Variants in LPGAT1 observed in about 807,000 individuals in gnomAD.
LPGAT1 encodes the protein acyl-CoA:lysophosphatidylglycerol acyltransferase 1.
In LPGAT1, 11 loss-of-function variants were observed where a neutral mutation model predicts 47.5. That is an observed-to-expected ratio of 0.23 (90% CI 0.15 to 0.38). The LOEUF is 0.38. Ranked by LOEUF, LPGAT1 falls within the 10% of genes least tolerant of loss-of-function variation. LPGAT1 has a pLI of 1.00. For synonymous variants in LPGAT1, 138 were observed against 144.2 expected (o/e 0.96, Z 0.31); for missense variants, 293 against 439.0 (o/e 0.67, Z 2.97).
chr1:211,769,312 G>A (rs958549756), intron 6 of LPGAT1, among the ~76,000 whole-genome samples: 1 of 152,174 alleles, frequency 6.6e-6, no homozygotes, highest in Admixed American at 6.5e-5. Context: ...GAGAGAAAAA[G>A]AGGAGCCATG....
chr1:211,818,385 T>A (rs12076991), intron 2 of LPGAT1, among the ~76,000 whole-genome samples: 3 of 151,990 alleles, frequency 2.0e-5, no homozygotes, highest in Admixed American at 2.0e-4. Context: ...AGCAAATCGT[T>A]ACTATGCAGG....
At chr1:211,825,098 C>G (rs913454159) in intron 2 of LPGAT1, among the ~76,000 whole-genome samples, 9 of 152,102 alleles carry the variant, frequency 5.9e-5, no homozygotes, top group African/African-American at 2.2e-4. Flanking sequence ...CAGACTTTGG[C>G]CCATGACTCT....
chr1:211,766,829 C>A (rs1657937913), intron 6 of LPGAT1, among the ~76,000 whole-genome samples: 1 of 152,148 alleles, frequency 6.6e-6, no homozygotes, highest in South Asian at 2.1e-4. Flanking sequence ...ATCATAAAGT[C>A]AAAAAATCAT....
chr1:211,804,441 C>A (rs557006680), intron 2 of LPGAT1, among the ~76,000 whole-genome samples: 1 of 152,198 alleles, frequency 6.6e-6, no homozygotes, highest in South Asian at 2.1e-4. Flanking sequence ...TGTAGTAAAT[C>A]AGAATACTAA....
At chr1:211,817,743 G>C (rs1455224411) in intron 2 of LPGAT1, among the ~76,000 whole-genome samples, 1 of 152,124 alleles carries the variant, frequency 6.6e-6, no homozygotes, top group Non-Finnish European at 1.5e-5. Context: ...CACAGCTTTT[G>C]GTAATGGTGC....
intron 6 of LPGAT1, among the ~76,000 whole-genome samples, chr1:211,773,538 A>G (rs1298468328): frequency 3.3e-5 from 5 of 152,198 alleles, no homozygotes; most frequent in African/African-American, 2.4e-5. Context: ...ACTTATGGTT[A>G]TATCTTTTCT....
chr1:211,787,080 CT>C (rs1352001309), intron 4 of LPGAT1, among the ~76,000 whole-genome samples: 1 of 152,136 alleles, frequency 6.6e-6, no homozygotes, highest in Admixed American at 6.6e-5. Flanking sequence ...AAAAATGTAC[CT>C]TCTAAATGGG....
At chr1:211,752,216 A>G (rs894111640) in intron 6 of LPGAT1, among the ~76,000 whole-genome samples, 1 of 152,186 alleles carries the variant, frequency 6.6e-6, no homozygotes, top group African/African-American at 2.4e-5. Flanking sequence ...TTCCATGTAC[A>G]TGTAACAAAT....
rs922276460 is a variant in LPGAT1, at chr1:211,749,150, G to C, written c.*749C>G. On this transcript the variant is annotated 3_prime_UTR_variant, in exon 8 of 8. Coordinates refer to ENST00000366997, the MANE Select transcript of LPGAT1 (RefSeq NM_014873.3). ...TTTCAGGCTATATTACTAATCCTTT[G>C]CTATATCTGCATCTCAAAAAAGTGC... The C allele has an allele frequency of 3.3e-5, 5 of 152,584 alleles. No individual in the cohort carries two copies. The highest frequency in any genetic ancestry group is 9.7e-5 in the African/African-American group (4 of 41,424). The allele number at this position is 152,584 out of a possible 1,614,324, so 9.5% of individuals were successfully genotyped here. A position where few individuals can be genotyped will look rare whatever the true frequency, so the allele number is the denominator to read the frequency against.
intron 6 of LPGAT1, among the ~76,000 whole-genome samples, chr1:211,775,414 T>C (rs1348858369): frequency 7.9e-5 from 12 of 152,198 alleles, no homozygotes; most frequent in Admixed American, 2.6e-4. Flanking sequence ...AGGAATGCTA[T>C]TGCATAACAA....
chr1:211,822,189 C>T (rs74545045), intron 2 of LPGAT1, among the ~76,000 whole-genome samples: 1,978 of 152,302 alleles, frequency 0.013, 37 homozygotes, highest in African/African-American at 0.044. Context: ...ACAAACACTA[C>T]AAATACTGCC....
At chr1:211,814,391 T>G (rs1660100387) in intron 2 of LPGAT1, among the ~76,000 whole-genome samples, 1 of 152,118 alleles carries the variant, frequency 6.6e-6, no homozygotes, top group Non-Finnish European at 1.5e-5. Context: ...GAACAGATTT[T>G]GGGGAGAGGA....
In LPGAT1 at chr1:211,812,614, T is replaced by C. The variant is rs74794190; in HGVS notation, c.238+16445A>G. On this transcript the variant is annotated intron_variant, in intron 2 of 7. Transcript: ENST00000366997. ...ATGTCAAATCCCTGGAACCTGTGAA[T>C]GTTACTTTATATGATAAAAAATGTG... is the stretch of plus-strand genomic sequence containing the variant. Among the ~76,000 whole-genome samples the C allele has an allele frequency of 3.1e-3, 477 of 152,310 alleles. 1 individual carries two copies. Among genetic ancestry groups the C allele is most frequent in the African/African-American group, 0.011 (452 of 41,566 alleles).
chr1:211,774,056 C>A (rs1658284914), intron 6 of LPGAT1, among the ~76,000 whole-genome samples: 1 of 150,104 alleles, frequency 6.7e-6, no homozygotes, highest in African/African-American at 2.5e-5. Context: ...ACCAGACTTA[C>A]CAATAATCTA....
At chr1:211,790,135 T>C (rs1415114161) in intron 3 of LPGAT1, among the ~76,000 whole-genome samples, 1 of 152,196 alleles carries the variant, frequency 6.6e-6, no homozygotes, top group Non-Finnish European at 1.5e-5. Flanking sequence ...CTTTTGAAAT[T>C]ATAATAAGGT....
At chr1:211,750,896 T>C in intron 7 of LPGAT1, 65 bp downstream of exon 7, 3 of 1,216,436 alleles carry the variant, frequency 2.5e-6, no homozygotes, top group Non-Finnish European at 3.6e-6. Flanking sequence ...GCAAACAGCT[T>C]TCTTTAAAAG....
rs187296883 is a variant in LPGAT1, at chr1:211,829,378, C to T, written c.-27-55G>A. 217 of 1,582,850 alleles carry T rather than the reference C, an allele frequency of 1.4e-4. 1 individual carries two copies. The East Asian group carries it at 3.0e-3, about 22-fold the overall frequency. Reference sequence around the variant, plus strand: ...GGAAAATTCATTAAATACATCTAAACAGTCACCAACATAGAAATCGCCCCC... The same window carrying T: ...GGAAAATTCATTAAATACATCTAAATAGTCACCAACATAGAAATCGCCCCC... On this transcript the variant is annotated intron_variant, in intron 1 of 7. Transcript: ENST00000366997.
chr1:211,776,146 G>T (rs927689350), intron 6 of LPGAT1, among the ~76,000 whole-genome samples: 2 of 151,578 alleles, frequency 1.3e-5, no homozygotes, highest in Admixed American at 1.3e-4. Flanking sequence ...CTTTTAAAAT[G>T]GAGAAATTAA....
chr1:211,784,371 G>A (rs12119787), intron 4 of LPGAT1, among the ~76,000 whole-genome samples: 1 of 151,694 alleles, frequency 6.6e-6, no homozygotes, highest in African/African-American at 2.4e-5. Flanking sequence ...ACATTTAGTG[G>A]TCCCAGCTAC....
Sources: allele counts gnomAD v4.1 joint callset (sites outside exome capture counted in the v4.1 genomes callset), GRCh38; gene constraint gnomAD v4.1.1; transcripts MANE v1.5; gene names NCBI Gene and HGNC (gene_info 2026-07-23, HGNC 2026-07-21).